Variants in C3 observed in about 807,000 individuals in gnomAD.
The protein encoded by C3 is C3 and PZP-like alpha-2-macroglobulin domain-containing protein 1.
In C3, 97 loss-of-function variants were observed where a neutral mutation model predicts 207.9. The observed-to-expected ratio is 0.47, with a 90% CI of 0.40 to 0.55. The LOEUF is 0.55. C3 is among the 20% of genes least tolerant of loss of function. C3 has a pLI of 0.00. For synonymous variants in C3, 848 were observed against 857.6 expected, an observed-to-expected ratio of 0.99 and a Z score of 0.20; for missense variants, 1,684 against 2,171.7, an observed-to-expected ratio of 0.78 and a Z score of 4.46.
Position 6,679,396 on chromosome 19 carries a change from A to G in C3, c.4546+11T>C. On this transcript the variant is annotated intron_variant, in intron 37 of 40. Transcript: ENST00000245907. ...CTCAGACCCACCTGTTCCCGGCTCC[A>G]GGGAACTCACCCTCAGCACAGCGGC... 6.2e-7 allele frequency: 1 copy of G among 1,604,690 alleles called. No homozygotes were observed. The highest frequency in any genetic ancestry group is 8.5e-7 in the Non-Finnish European group (1 of 1,171,336).
chr19:6,693,230 CG>C, intron 25 of C3, 147 bp from the exon 26 acceptor site: 1 of 1,110,622 alleles, frequency 9.0e-7, no homozygotes, highest in Non-Finnish European at 1.3e-6. Flanking sequence ...CTGTTGTATG[CG>C]GTCCGTGCTT....
chr19:6,719,295 G>T lies in C3; in HGVS notation c.183C>A (p.Asp61Glu), dbSNP rs947639403. The T allele has an allele frequency of 6.2e-7, 1 of 1,614,038 alleles. No individual in the cohort carries two copies. Among genetic ancestry groups the T allele is most frequent in the Admixed American group, 1.7e-5 (1 of 60,010 alleles). ...ACAGCACTAGTTTTTTGCCTGGGAA[G>T]TCGTGGACAGTAACAGTGACTGGAA... is the stretch of plus-strand genomic sequence containing the variant. Reference protein sequence around the residue: ...GDVPVTVTVHDFPGKKLVLSS... With the variant: ...GDVPVTVTVHEFPGKKLVLSS... The change falls in exon 2 of 41, where the codon GAC (aspartate) becomes GAA (glutamate). Residue 61 changes from aspartate to glutamate, a missense_variant. Physicochemically the swap from Asp to Glu is conservative, Grantham distance 45. Around this residue, in one of 3 missense-constraint regions of C3, gnomAD observed 1,280 missense variants for 1,739.1 expected, o/e 0.74. Coordinates refer to ENST00000245907, the MANE Select transcript of C3 (RefSeq NM_000064.4). This position sits in a 1 kb window ranked among gnomAD's most constrained non-coding sequence, Gnocchi z 5.4.
intron 24 of C3, 130 bp from the exon 25 acceptor site, chr19:6,693,617 A>G (rs1213717193): frequency 1.3e-6 from 1 of 791,270 alleles, no homozygotes; most frequent in African/African-American, 1.7e-5. Flanking sequence ...GGAGGAGGGG[A>G]CCTTAAAAAG....
At chr19:6,720,370 A>G in intron 1 of C3, 146 bp downstream of exon 1, 1 of 670,586 alleles carries the variant, frequency 1.5e-6, no homozygotes, top group Non-Finnish European at 2.8e-6. Context: ...CAGGCAGCCC[A>G]AATATATATA....
rs750770711 is a variant in C3, at chr19:6,697,469, T to TG, written c.2670dup (p.Lys891GlnfsTer33). The TG allele has an allele frequency of 1.2e-6, 2 of 1,612,760 alleles. No individual in the cohort carries two copies. The highest frequency in any genetic ancestry group is 3.3e-5 in the Admixed American group (2 of 59,842). ...ACATATGGAACGGACAACGAGGACT[T>TG]GGGGGGGATGGTTACGGTCTGCTGG... On this transcript the variant is annotated frameshift_variant, in exon 21 of 41. Transcript: ENST00000245907. LOFTEE classifies it high-confidence loss of function.
At chr19:6,678,803 G>A (rs1364581912) in intron 38 of C3, among the ~76,000 whole-genome samples, 1 of 151,992 alleles carries the variant, frequency 6.6e-6, no homozygotes, top group Non-Finnish European at 1.5e-5. Context: ...AGTCATATAC[G>A]TAACTTCAGG....
In C3 at chr19:6,713,514, G is replaced by A. The variant is rs755985654; in HGVS notation, c.774-5C>T. 22 of 1,607,918 alleles carry A rather than the reference G, an allele frequency of 1.4e-5. No individual in the cohort carries two copies. Among genetic ancestry groups the A allele is most frequent in the East Asian group, 4.5e-5 (2 of 44,842 alleles). On this transcript the variant is annotated splice_polypyrimidine_tract_variant and splice_region_variant and intron_variant, in intron 7 of 40. Transcript: ENST00000245907. Reference sequence around the variant, plus strand: ...ACTTTCTTCCCGTAGAGGAACCTACGGGACAGACAAGGAGGGCTTCAGGTC... The same window carrying A: ...ACTTTCTTCCCGTAGAGGAACCTACAGGACAGACAAGGAGGGCTTCAGGTC...
Position 6,686,777 on chromosome 19 carries a change from A to G in C3, c.3615T>C (p.Pro1205=). Residue 1205 remains proline (P), a synonymous_variant, in exon 28 of 41, where the codon CCT becomes CCC. Transcript: ENST00000245907. ...CTGTGGTCAGAAATTTGTTAAGAAG[A>G]GGCCCCTTCAGCCTGCCCATCTGGG... ...ALAQMGRLKG[P]LLNKFLTTAK... is the part of the protein sequence containing the mutation. 6.2e-7 allele frequency: 1 copy of G among 1,614,158 alleles called. No individual in the cohort carries two copies. The highest frequency in any genetic ancestry group is 8.5e-7 in the Non-Finnish European group (1 of 1,180,030).
intron 17 of C3, among the ~76,000 whole-genome samples, chr19:6,705,456 C>T (rs1193950164): frequency 7.3e-5 from 11 of 151,258 alleles, no homozygotes; most frequent in African/African-American, 2.7e-4. Context: ...GATCCTCCCA[C>T]CTCAGCCTCC....
At chr19:6,707,614 T>A in intron 15 of C3, 77 bp from the exon 16 acceptor site, 1 of 1,553,232 alleles carries the variant, frequency 6.4e-7, no homozygotes, top group Non-Finnish European at 8.9e-7. Flanking sequence ...CACGATCGTG[T>A]GAGGTGGGGG....
At chr19:6,684,948 A>T in intron 30 of C3, 40 bp downstream of exon 30, 1 of 1,611,534 alleles carries the variant, frequency 6.2e-7, no homozygotes, top group Non-Finnish European at 8.5e-7. Context: ...GTGTAGGGGG[A>T]GACAGCCAGA....
intron 27 of C3, among the ~76,000 whole-genome samples, chr19:6,689,320 T>TCTCCCTACCTAC (rs1555684196): frequency 8.3e-5 from 6 of 72,338 alleles, no homozygotes; most frequent in Admixed American, 1.7e-4. Context: ...TCTCTCTCTC[T>TCTCCCTACCTAC]CTACCTACCT....
Position 6,716,085 on chromosome 19 carries a change from G to C in C3, c.505-1639C>G, listed in dbSNP as rs186740919. On this transcript the variant is annotated intron_variant, in intron 4 of 40. Coordinates refer to ENST00000245907, the MANE Select transcript of C3 (RefSeq NM_000064.4). ...CAGACCACATCAATCCCTAAATCTA[G>C]ATAATTTTTACATTTTTTTTGTAGA... Among the ~76,000 whole-genome samples, 21 of 152,246 alleles carry C rather than the reference G, an allele frequency of 1.4e-4. No individual in the cohort carries two copies. In the East Asian group the frequency reaches 4.1e-3, roughly 29 times the overall value.
At chr19:6,697,824 T>A (rs866540490) in intron 19 of C3, 30 bp from the exon 20 acceptor site, 1 of 1,603,688 alleles carries the variant, frequency 6.2e-7, no homozygotes, top group Non-Finnish European at 8.5e-7. Context: ...ACACGGAGTG[T>A]CAAGGTCGGG....
rs1917745902 is a variant in C3, at chr19:6,677,819, A to AAGAACTCC, written c.*55_*62dup. 5.3e-5 allele frequency: 85 copies of AAGAACTCC among 1,603,886 alleles called. No homozygotes were observed. The highest frequency in any genetic ancestry group is 7.2e-5 in the Non-Finnish European group (84 of 1,173,622). On this transcript the variant is annotated 3_prime_UTR_variant, in exon 41 of 41. Coordinates refer to ENST00000245907, the MANE Select transcript of C3 (RefSeq NM_000064.4). ...GGATTTCAGCCTCTCCCTCTTGGCA[A>AAGAACTCC]AGAACTCCAGACACGTGAGATATAA...
At position 6,713,302 on chromosome 19, in the gene C3, G is replaced by C; in HGVS notation, c.890C>G (p.Ser297Trp). ...CTTCCGGCTCAGCACAACCTCCCCC[G>C]AGCCATCCTCAATCTGAGAAGGGAG... ...SLKRIPIEDG[S>W]GEVVLSRKVL... Residue 297 changes from serine (S) to tryptophan (W), a missense_variant, in exon 9 of 41, where the codon TCG becomes TGG. Ser to Trp is a radical substitution (Grantham distance 177). Transcript: ENST00000245907. 6.2e-7 allele frequency: 1 copy of C among 1,613,730 alleles called. No individual in the cohort carries two copies. The highest frequency in any genetic ancestry group is 2.2e-5 in the East Asian group (1 of 44,874).
intron 14 of C3, 47 bp downstream of exon 14, chr19:6,709,634 AGCT>A: frequency 2.2e-6 from 1 of 450,712 alleles, no homozygotes; most frequent in Non-Finnish European, 3.6e-6. Flanking sequence ...CCCCAGCCCC[AGCT>A]CCGTGCCTCC....
At chr19:6,696,687 C>T (rs1005481378) in intron 21 of C3, 28 bp from the exon 22 acceptor site, 1 of 1,599,558 alleles carries the variant, frequency 6.3e-7, no homozygotes, top group Non-Finnish European at 8.6e-7. Context: ...TGGGGGGAGT[C>T]GTTGGATGAA....
intron 19 of C3, 37 bp from the exon 20 acceptor site, chr19:6,697,831 CG>C: frequency 6.3e-7 from 1 of 1,599,198 alleles, no homozygotes; most frequent in East Asian, 2.3e-5. Context: ...GTGTCAAGGT[CG>C]GGGAGTGGAC....
Sources: gnomAD v4.1 joint callset for allele counts (sites outside exome capture counted in the v4.1 genomes callset) on GRCh38, gnomAD v4.1.1 for gene constraint, gnomAD v4.1.1 regional missense constraint, Gnocchi (gnomAD v3.1) non-coding constraint, MANE v1.5 for transcripts, NCBI Gene and HGNC (gene_info 2026-07-23, HGNC 2026-07-21) for gene names.